GRM8: variants seen among roughly 807,000 people sequenced by gnomAD.
The protein encoded by GRM8 is glutamate metabotropic receptor 8, also known as metabotropic glutamate receptor 8.
A neutral mutation model predicts 87.2 loss-of-function variants in GRM8; 47 were observed. The ratio of observed to expected loss-of-function variants is 0.54; its 90% CI spans 0.43 to 0.69. GRM8 has a LOEUF of 0.69. Among genes scored for constraint, GRM8 ranks in the 30% least tolerant of loss-of-function variants. The probability of loss-of-function intolerance (pLI) is 0.00; values close to 1 mark genes in which losing one functional copy is unlikely to be tolerated. For synonymous variants in GRM8, 396 were observed against 404.5 expected (o/e 0.98, Z 0.25); for missense variants, 1,019 against 1,139.2 (o/e 0.89, Z 1.52).
chr7:126,440,772 C>T (rs1027696344), intron 10 of GRM8, among the ~76,000 whole-genome samples: 6 of 151,920 alleles, frequency 3.9e-5, no homozygotes, highest in East Asian at 1.9e-4. Context: ...ATGATGTTTG[C>T]GCAAAGACAA....
intron 9 of GRM8, among the ~76,000 whole-genome samples, chr7:126,501,830 C>T (rs1809695977): frequency 6.6e-6 from 1 of 152,034 alleles, no homozygotes; most frequent in African/African-American, 2.4e-5. Flanking sequence ...AGAGTCGGGG[C>T]AGGTCTGGGC....
chr7:126,912,955 G>A (rs964540118), intron 3 of GRM8, among the ~76,000 whole-genome samples: 1 of 152,180 alleles, frequency 6.6e-6, no homozygotes, highest in Non-Finnish European at 1.5e-5. Context: ...GCCTGCACAA[G>A]TAGGAGAAAT....
intron 7 of GRM8, among the ~76,000 whole-genome samples, chr7:126,665,377 A>G (rs1805645464): frequency 6.6e-6 from 1 of 152,198 alleles, no homozygotes; most frequent in African/African-American, 2.4e-5. Context: ...TGGACTGGGT[A>G]AAGAAAACCT....
chr7:127,077,611 G>A (rs370134117), intron 3 of GRM8, among the ~76,000 whole-genome samples: 1 of 152,166 alleles, frequency 6.6e-6, no homozygotes, highest in African/African-American at 2.4e-5. Context: ...CTGTGAATAC[G>A]AGAGTATGAG....
At chr7:126,583,370 T>A (rs1280236318) in intron 8 of GRM8, among the ~76,000 whole-genome samples, 2 of 136,958 alleles carry the variant, frequency 1.5e-5, no homozygotes, top group Non-Finnish European at 3.3e-5. Flanking sequence ...CACACACACA[T>A]AAAATAATAA....
intron 9 of GRM8, among the ~76,000 whole-genome samples, chr7:126,515,722 T>C (rs1328819361): frequency 6.6e-6 from 1 of 152,048 alleles, no homozygotes; most frequent in Non-Finnish European, 1.5e-5. Flanking sequence ...ACAAGTTGAG[T>C]CTTTCTCAGG....
intron 6 of GRM8, among the ~76,000 whole-genome samples, chr7:126,895,472 T>C (rs1203330681): frequency 6.6e-6 from 1 of 152,114 alleles, no homozygotes; most frequent in Non-Finnish European, 1.5e-5. Context: ...AATCAAAATC[T>C]GCATGTTAAC....
At chr7:127,144,247 T>C (rs544804035) in intron 2 of GRM8, among the ~76,000 whole-genome samples, 1 of 152,214 alleles carries the variant, frequency 6.6e-6, no homozygotes, top group Non-Finnish European at 1.5e-5. Context: ...TCATAAAGTT[T>C]ATCAAGAAGA....
At chr7:126,690,669 T>A (rs1400479658) in intron 7 of GRM8, among the ~76,000 whole-genome samples, 3 of 152,114 alleles carry the variant, frequency 2.0e-5, no homozygotes, top group Non-Finnish European at 4.4e-5. Flanking sequence ...TTGGTGGGTC[T>A]CCAGTTCTTG....
intron 7 of GRM8, among the ~76,000 whole-genome samples, chr7:126,652,700 A>G (rs574205954): frequency 3.3e-5 from 5 of 152,196 alleles, no homozygotes; most frequent in African/African-American, 2.4e-5. Flanking sequence ...TTGGGGCTCA[A>G]ACTGGCTTCC....
intron 9 of GRM8, among the ~76,000 whole-genome samples, chr7:126,480,035 T>C (rs2078760): frequency 0.45 from 68,686 of 151,908 alleles, 16,105 homozygotes; most frequent in African/African-American, 0.58. Context: ...ACAAATAAAT[T>C]ATATAACTAG....
At chr7:127,163,996 A>C (rs1053274099) in intron 2 of GRM8, among the ~76,000 whole-genome samples, 1 of 152,080 alleles carries the variant, frequency 6.6e-6, no homozygotes, top group Non-Finnish European at 1.5e-5. Context: ...GTAATCCCCA[A>C]TGTTGGAAGT....
intron 7 of GRM8, among the ~76,000 whole-genome samples, chr7:126,764,529 T>C (rs1352202324): frequency 1.3e-5 from 2 of 152,110 alleles, no homozygotes; most frequent in Non-Finnish European, 2.9e-5. Context: ...AATCAGACTA[T>C]AGTGTTCAGA....
At chr7:126,899,737 C>CTTT (rs5887317) in intron 6 of GRM8, among the ~76,000 whole-genome samples, 3 of 148,330 alleles carry the variant, frequency 2.0e-5, no homozygotes, top group Admixed American at 6.7e-5. Flanking sequence ...GTTATCCCTT[C>CTTT]TTTTTTTTTT....
At chr7:127,045,602 T>C (rs1459132173) in intron 3 of GRM8, among the ~76,000 whole-genome samples, 1 of 152,186 alleles carries the variant, frequency 6.6e-6, no homozygotes, top group East Asian at 1.9e-4. Context: ...TTAAATGGTG[T>C]AGAGACTTAA....
At chr7:127,126,316 T>C (rs1346178834) in intron 2 of GRM8, among the ~76,000 whole-genome samples, 1 of 151,984 alleles carries the variant, frequency 6.6e-6, no homozygotes, top group Admixed American at 6.6e-5. Flanking sequence ...TAATGAAGCA[T>C]GTCTTTTGCA....
At chr7:126,544,575 A>T (rs2150906000) in intron 8 of GRM8, among the ~76,000 whole-genome samples, 1 of 152,176 alleles carries the variant, frequency 6.6e-6, no homozygotes, top group South Asian at 2.1e-4. Flanking sequence ...AGGTGACACG[A>T]TCTCAGCTCA....
rs1221598093 is a variant in GRM8, at chr7:126,475,675, G to A, written c.2431-29303C>T. Among the ~76,000 whole-genome samples, 3 of 152,196 alleles carry A rather than the reference G, an allele frequency of 2.0e-5. No individual in the cohort carries two copies. The East Asian group carries it at 5.8e-4, about 30-fold the overall frequency. On this transcript the variant is annotated intron_variant, in intron 9 of 10. Transcript: ENST00000339582. ...AAATAGACAAAGTAATCTTGAGAAA[G>A]AAGAACAAAGTTGAAGACATCAGAC...
chr7:126,526,978 C>T (rs1039014480), intron 9 of GRM8, among the ~76,000 whole-genome samples: 2 of 152,100 alleles, frequency 1.3e-5, no homozygotes, highest in Admixed American at 6.5e-5. Context: ...CACAAAAAAT[C>T]GACCGTAATA....
Sources: allele counts gnomAD v4.1 joint callset (sites outside exome capture counted in the v4.1 genomes callset), GRCh38; gene constraint gnomAD v4.1.1; transcripts MANE v1.5; gene names NCBI Gene and HGNC (gene_info 2026-07-23, HGNC 2026-07-21).